Variants in NUSAP1 observed in about 807,000 individuals in gnomAD.
The protein encoded by NUSAP1 is nucleolar and spindle-associated protein 1.
Under a neutral mutation model 52.8 loss-of-function variants are expected in NUSAP1, and 32 were observed. The ratio of observed to expected loss-of-function variants is 0.61; its 90% CI spans 0.46 to 0.81. NUSAP1 has a LOEUF of 0.81. Ranked by LOEUF, NUSAP1 falls within the 40% of genes least tolerant of loss-of-function variation. The pLI is 0.00. For missense variants in NUSAP1, 499 were observed against 522.3 expected (o/e 0.96, Z 0.43); for synonymous variants, 195 against 183.1 (o/e 1.06, Z -0.52).
intron 1 of NUSAP1, among the ~76,000 whole-genome samples, chr15:41,336,261 C>A (rs910065522): frequency 1.4e-5 from 2 of 146,406 alleles, no homozygotes; most frequent in Non-Finnish European, 3.0e-5. Flanking sequence ...AGCGAAACTC[C>A]GTCTAAAAAT....
At chr15:41,354,992 C>G (rs2048911363) in intron 4 of NUSAP1, among the ~76,000 whole-genome samples, 1 of 150,656 alleles carries the variant, frequency 6.6e-6, no homozygotes, top group Non-Finnish European at 1.5e-5. Context: ...TGCACTCCAG[C>G]CTGGGCGAAA....
intron 4 of NUSAP1, among the ~76,000 whole-genome samples, chr15:41,354,628 A>G (rs904748769): frequency 2.6e-5 from 4 of 151,744 alleles, no homozygotes; most frequent in Admixed American, 2.6e-4. Flanking sequence ...AGTTGTAACA[A>G]TATTATGTTC....
chr15:41,380,061 C>G, intron 10 of NUSAP1, 32 bp from the exon 11 acceptor site: 1 of 1,512,548 alleles, frequency 6.6e-7, no homozygotes, highest in Non-Finnish European at 9.0e-7. Context: ...TGGAGCCTCC[C>G]TAGAGCTTAA....
chr15:41,352,825 G>C (rs1595556754), intron 4 of NUSAP1, among the ~76,000 whole-genome samples: 3 of 152,000 alleles, frequency 2.0e-5, no homozygotes, highest in Non-Finnish European at 4.4e-5. Context: ...CTAAAGTGCT[G>C]GGATTACAGG....
chr15:41,351,167 A>T (rs1567050771), intron 4 of NUSAP1, 38 bp downstream of exon 4: 1 of 1,589,224 alleles, frequency 6.3e-7, no homozygotes, highest in Non-Finnish European at 8.5e-7. Context: ...GTAACTTTAA[A>T]AACCAAAATT....
intron 4 of NUSAP1, among the ~76,000 whole-genome samples, chr15:41,354,498 G>A (rs1308451525): frequency 6.6e-6 from 1 of 151,362 alleles, no homozygotes; most frequent in East Asian, 2.0e-4. Context: ...GTGTGAGTCC[G>A]TCTCAAAACA....
intron 10 of NUSAP1, among the ~76,000 whole-genome samples, chr15:41,378,832 G>A (rs1284378352): frequency 6.9e-6 from 1 of 145,678 alleles, no homozygotes; most frequent in Non-Finnish European, 1.5e-5. Context: ...TTAGTGAAAG[G>A]AATAGAACTA....
At chr15:41,376,306 GGACAATCGCTT>G in intron 9 of NUSAP1, among the ~76,000 whole-genome samples, 2 of 151,980 alleles carry the variant, frequency 1.3e-5, no homozygotes, top group Non-Finnish European at 1.5e-5. Flanking sequence ...GGCTGAGGCA[GGACAATCGCTT>G]GAACCTAGGA....
rs184181381 is a variant in NUSAP1, at chr15:41,339,542, C to T, written c.94-2844C>T. ...TCTCTTGCCTCAGCCTCCCAAGTAG[C>T]TGGGATTACAGGCATGTGCCACCAT... On this transcript the variant is annotated intron_variant, in intron 1 of 10. Coordinates refer to ENST00000559596, the MANE Select transcript of NUSAP1 (RefSeq NM_016359.5). Among the ~76,000 whole-genome samples, 566 of 151,910 alleles carry T rather than the reference C, an allele frequency of 3.7e-3. 2 individuals carry two copies. The highest frequency in any genetic ancestry group is 5.8e-3 in the South Asian group (28 of 4,802).
chr15:41,360,240 G>A (rs2049121883), intron 6 of NUSAP1, among the ~76,000 whole-genome samples: 1 of 151,868 alleles, frequency 6.6e-6, no homozygotes, highest in Non-Finnish European at 1.5e-5. Context: ...CTGGATTCAA[G>A]TGATTCTCCC....
At chr15:41,370,934 T>C (rs1244651091) in intron 7 of NUSAP1, among the ~76,000 whole-genome samples, 1 of 152,010 alleles carries the variant, frequency 6.6e-6, no homozygotes, top group Non-Finnish European at 1.5e-5. Flanking sequence ...GAAAAAACAC[T>C]ACCAATTAAC....
In NUSAP1 at chr15:41,378,216, C is replaced by T. The variant is rs1245560349; in HGVS notation, c.1232+912C>T. Among the ~76,000 whole-genome samples the T allele has an allele frequency of 7.2e-5, 11 of 152,106 alleles. No individual in the cohort carries two copies. The South Asian group carries it at 2.3e-3, about 31-fold the overall frequency. The stretch of plus-strand genomic sequence containing the variant: ...TGGGTATCTCTCCAGATACCAATGC[C>T]CAGCAGCCCAGGGCACCTACATATC... On this transcript the variant is annotated intron_variant, in intron 10 of 10. Coordinates refer to ENST00000559596, the MANE Select transcript of NUSAP1 (RefSeq NM_016359.5).
chr15:41,363,674 A>G (rs1052821435), intron 6 of NUSAP1, among the ~76,000 whole-genome samples: 15 of 151,834 alleles, frequency 9.9e-5, no homozygotes, highest in African/African-American at 3.6e-4. Flanking sequence ...GATTATGTTT[A>G]TTTCTAGTCC....
intron 4 of NUSAP1, among the ~76,000 whole-genome samples, chr15:41,355,822 G>C (rs550085356): frequency 6.6e-6 from 1 of 151,786 alleles, no homozygotes; most frequent in East Asian, 1.9e-4. Flanking sequence ...GACTACAGGC[G>C]CCCACCACCA....
In NUSAP1 at chr15:41,356,618, G is replaced by C. The variant is rs572224072; in HGVS notation, c.550+478G>C. On this transcript the variant is annotated intron_variant, in intron 5 of 10. Coordinates refer to ENST00000559596, the MANE Select transcript of NUSAP1 (RefSeq NM_016359.5). ...TCCGCCTGCCTCGGCCTCCCAAAGT[G>C]CTGGGATTCCAGGCGTCAGCCACTC... Among the ~76,000 whole-genome samples the C allele has an allele frequency of 1.9e-4, 29 of 152,254 alleles. No individual in the cohort carries two copies. The East Asian group carries it at 5.4e-3, about 28-fold the overall frequency.
chr15:41,367,437 C>T (rs1292029965), intron 7 of NUSAP1, among the ~76,000 whole-genome samples: 3 of 152,176 alleles, frequency 2.0e-5, no homozygotes, highest in Non-Finnish European at 4.4e-5. Context: ...TACCAAGCCC[C>T]TGTGGGCTTG....
intron 1 of NUSAP1, among the ~76,000 whole-genome samples, chr15:41,333,377 A>C (rs541447896): frequency 3.7e-4 from 56 of 152,266 alleles, no homozygotes; most frequent in African/African-American, 1.3e-3. Flanking sequence ...TCAGGCCCAG[A>C]AAGCACAAGG....
chr15:41,356,220 T>C, intron 5 of NUSAP1, 80 bp downstream of exon 5: 2 of 821,734 alleles, frequency 2.4e-6, no homozygotes, highest in East Asian at 5.3e-5. Flanking sequence ...GCTGAAAGCA[T>C]AGAGGCTGGA....
chr15:41,337,936 T>C (rs1392705097), intron 1 of NUSAP1, among the ~76,000 whole-genome samples: 1 of 141,406 alleles, frequency 7.1e-6, no homozygotes, highest in Non-Finnish European at 1.5e-5. Context: ...TTTTTCTTTT[T>C]TTTTTTTTTT....
Sources: allele counts gnomAD v4.1 joint callset (sites outside exome capture counted in the v4.1 genomes callset), GRCh38; gene constraint gnomAD v4.1.1; transcripts MANE v1.5; gene names NCBI Gene and HGNC (gene_info 2026-07-23, HGNC 2026-07-21).